The following RBFOX1 variants were observed in gnomAD, a reference collection of about 807,000 sequenced individuals.
RBFOX1 encodes the protein RNA binding protein fox-1 homolog 1.
RBFOX1 carries 8 observed loss-of-function variants against 57.7 expected under a neutral mutation model. That is an observed-to-expected ratio of 0.14 (90% CI 0.08 to 0.25). RBFOX1 has a LOEUF of 0.25. Among genes scored for constraint, RBFOX1 ranks in the 10% least tolerant of loss-of-function variants. The pLI, the probability that RBFOX1 is intolerant of heterozygous loss-of-function variation, is 1.00. For missense variants in RBFOX1, 611 were observed against 548.5 expected, an observed-to-expected ratio of 1.11 and a Z score of -1.14; for synonymous variants, 326 against 222.4, an observed-to-expected ratio of 1.47 and a Z score of -4.15.
intron 5 of RBFOX1, among the ~76,000 whole-genome samples, chr16:7,528,153 A>G (rs2079123144): frequency 6.6e-6 from 1 of 152,184 alleles, no homozygotes; most frequent in Admixed American, 6.5e-5. Flanking sequence ...ATGCTCAGGC[A>G]TATTCTAAGG....
intron 3 of RBFOX1, among the ~76,000 whole-genome samples, chr16:6,673,839 C>G (rs1416368660): frequency 6.6e-6 from 1 of 152,040 alleles, no homozygotes; most frequent in African/African-American, 2.4e-5. Flanking sequence ...CAAGACAGTG[C>G]TAGAGAGAAA....
At chr16:7,427,330 T>G (rs1181387628) in intron 4 of RBFOX1, among the ~76,000 whole-genome samples, 1 of 152,200 alleles carries the variant, frequency 6.6e-6, no homozygotes, top group Non-Finnish European at 1.5e-5. Flanking sequence ...CGGGGCCAAG[T>G]AATTTGCATT....
At chr16:5,953,786 G>A (rs1457176441) in intron 4 of RBFOX1, among the ~76,000 whole-genome samples, 1 of 151,236 alleles carries the variant, frequency 6.6e-6, no homozygotes, top group Non-Finnish European at 1.5e-5. Flanking sequence ...TCACATTTTT[G>A]CAATTGTGAA....
chr16:7,303,843 T>TCTCC (rs1300967781), intron 4 of RBFOX1, among the ~76,000 whole-genome samples: 46 of 132,266 alleles, frequency 3.5e-4, no homozygotes, highest in Admixed American at 5.3e-4. Flanking sequence ...CCCTTCCTCC[T>TCTCC]CTCCCTCCCT....
At chr16:7,130,929 A>G (rs758729742) in intron 4 of RBFOX1, among the ~76,000 whole-genome samples, 5 of 152,212 alleles carry the variant, frequency 3.3e-5, no homozygotes, top group Non-Finnish European at 5.9e-5. Context: ...TTTTATCATC[A>G]GTCCTGGATA....
At chr16:5,456,795 C>G (rs1450725711) in intron 1 of RBFOX1, among the ~76,000 whole-genome samples, 1 of 152,178 alleles carries the variant, frequency 6.6e-6, no homozygotes, top group Non-Finnish European at 1.5e-5. Flanking sequence ...ATGCTTGAAT[C>G]TCATCCCCCT....
chr16:5,811,143 A>ATT (rs374827330), intron 3 of RBFOX1, among the ~76,000 whole-genome samples: 52,370 of 104,374 alleles, frequency 0.5, 13,870 homozygotes, highest in East Asian at 0.57. Flanking sequence ...TATGGAACAA[A>ATT]TTTTTTTTTT....
intron 4 of RBFOX1, among the ~76,000 whole-genome samples, chr16:7,147,421 G>A (rs549513318): frequency 2.0e-5 from 3 of 152,076 alleles, no homozygotes; most frequent in Non-Finnish European, 4.4e-5. Context: ...CTGTCACCCA[G>A]GTGGTGGGCG....
chr16:7,688,622 C>G (rs2076642938), intron 14 of RBFOX1, among the ~76,000 whole-genome samples: 1 of 151,846 alleles, frequency 6.6e-6, no homozygotes, highest in African/African-American at 2.4e-5. Context: ...ACCTAAGGAA[C>G]AAAAGTGGGC....
At chr16:7,056,539 C>T (rs2153739345) in intron 4 of RBFOX1, among the ~76,000 whole-genome samples, 1 of 152,288 alleles carries the variant, frequency 6.6e-6, no homozygotes, top group Admixed American at 6.5e-5. Context: ...ACCTCTCCAG[C>T]ATCTGCACCA....
rs113560822 is a variant in RBFOX1, at chr16:6,133,998, G to A, written c.-127+114006G>A. ...GTCACCCAGGGTCAAGTGCAGTGGC[G>A]CAGTCTCGGTTCAGTGCAACCTCTG... On this transcript the variant is annotated intron_variant, in intron 1 of 15. Coordinates refer to ENST00000550418, the MANE Select transcript of RBFOX1 (RefSeq NM_018723.4). 9.0e-3 allele frequency among the ~76,000 whole-genome samples: 1,367 copies of A among 151,542 alleles called. 24 individuals are homozygous for A. Among genetic ancestry groups the A allele is most frequent in the African/African-American group, 0.032 (1,308 of 41,266 alleles).
chr16:6,448,022 G>T (rs778133200), intron 2 of RBFOX1, among the ~76,000 whole-genome samples: 23 of 152,078 alleles, frequency 1.5e-4, no homozygotes, highest in Non-Finnish European at 2.8e-4. Context: ...GGTAGTTAGA[G>T]TGTTGAGTTC....
At chr16:6,819,220 T>C (rs2090778073) in intron 3 of RBFOX1, among the ~76,000 whole-genome samples, 1 of 152,178 alleles carries the variant, frequency 6.6e-6, no homozygotes, top group Admixed American at 6.5e-5. Flanking sequence ...GAAATCGTCT[T>C]CATTCCTGTG....
At chr16:6,686,753 C>T (rs1456852726) in intron 3 of RBFOX1, among the ~76,000 whole-genome samples, 2 of 152,168 alleles carry the variant, frequency 1.3e-5, no homozygotes, top group Non-Finnish European at 2.9e-5. Flanking sequence ...CTTTCCTTTT[C>T]TCCCAACCTC....
chr16:6,933,126 C>T (rs565986530), intron 3 of RBFOX1, among the ~76,000 whole-genome samples: 2 of 152,164 alleles, frequency 1.3e-5, no homozygotes, highest in Non-Finnish European at 2.9e-5. Context: ...AACCACATTT[C>T]TCTTATCCCT....
At chr16:6,257,186 T>A (rs1189390625) in intron 1 of RBFOX1, among the ~76,000 whole-genome samples, 2 of 152,112 alleles carry the variant, frequency 1.3e-5, no homozygotes, top group African/African-American at 4.8e-5. Context: ...TGTGCCACAG[T>A]GGTTTGCTGC....
At chr16:7,434,177 G>C (rs1266252829) in intron 4 of RBFOX1, among the ~76,000 whole-genome samples, 2 of 152,030 alleles carry the variant, frequency 1.3e-5, no homozygotes, top group Non-Finnish European at 2.9e-5. Flanking sequence ...GGTGGTATAA[G>C]AGATGAAGGA....
chr16:5,949,328 C>A (rs1597916767), intron 4 of RBFOX1, among the ~76,000 whole-genome samples: 1 of 151,880 alleles, frequency 6.6e-6, no homozygotes, highest in Admixed American at 6.6e-5. Context: ...AGATCGAGAC[C>A]ATCCTGTCTA....
intron 12 of RBFOX1, among the ~76,000 whole-genome samples, chr16:7,659,155 C>A (rs2067064588): frequency 6.6e-6 from 1 of 152,142 alleles, no homozygotes; most frequent in African/African-American, 2.4e-5. Flanking sequence ...GTGTAAACTT[C>A]CCAGAGTTAC....
Sources: allele counts gnomAD v4.1 joint callset (sites outside exome capture counted in the v4.1 genomes callset), GRCh38; gene constraint gnomAD v4.1.1; transcripts MANE v1.5; gene names NCBI Gene and HGNC (gene_info 2026-07-23, HGNC 2026-07-21).